Variants in LAMA2 observed in about 807,000 individuals in gnomAD.
The protein encoded by LAMA2 is laminin subunit alpha 2, also known as laminin subunit alpha-2.
LAMA2 carries 269 observed loss-of-function variants against 364.8 expected under a neutral mutation model. The observed-to-expected ratio is 0.74, with a 90% CI of 0.67 to 0.82. The LOEUF is 0.82. LAMA2 is among the 40% of genes least tolerant of loss of function. The probability of loss-of-function intolerance (pLI) is 0.00; values close to 1 mark genes in which losing one functional copy is unlikely to be tolerated. For synonymous variants in LAMA2, 1,379 were observed against 1,370.6 expected, an observed-to-expected ratio of 1.01 and a Z score of -0.14; for missense variants, 3,807 against 3,873.2, an observed-to-expected ratio of 0.98 and a Z score of 0.45.
At chr6:129,256,064 A>G (rs1019584353) in intron 14 of LAMA2, among the ~76,000 whole-genome samples, 4 of 152,214 alleles carry the variant, frequency 2.6e-5, no homozygotes, top group African/African-American at 9.7e-5. Context: ...CTTGTATACA[A>G]TGGCAGAAAC....
chr6:129,285,230 A>G (rs1043186577), intron 18 of LAMA2, among the ~76,000 whole-genome samples: 2 of 152,146 alleles, frequency 1.3e-5, no homozygotes, highest in African/African-American at 4.8e-5. Context: ...AGAAATCTCT[A>G]ATACTGTTCT....
chr6:128,948,050 G>A (rs149195203), intron 1 of LAMA2, among the ~76,000 whole-genome samples: 264 of 152,226 alleles, frequency 1.7e-3, no homozygotes, highest in African/African-American at 6.0e-3. Flanking sequence ...AGATGAAAGG[G>A]TGGGGAGTTA....
Position 128,907,572 on chromosome 6 carries a change from G to A in LAMA2, c.112+24215G>A, listed in dbSNP as rs1337328270. ...GGTTTTCTAGATATACAATCATGTC[G>A]TCTGCAAAGAGGGACAATTTGACTT... On this transcript the variant is annotated intron_variant, in intron 1 of 64. Coordinates refer to ENST00000421865, the MANE Select transcript of LAMA2 (RefSeq NM_000426.4). 2.8e-4 allele frequency among the ~76,000 whole-genome samples: 42 copies of A among 152,066 alleles called. No homozygotes were observed. In the East Asian group the frequency reaches 3.5e-3, roughly 13 times the overall value.
intron 35 of LAMA2, among the ~76,000 whole-genome samples, chr6:129,385,965 C>T (rs1418689641): frequency 6.6e-6 from 1 of 152,036 alleles, no homozygotes; most frequent in African/African-American, 2.4e-5. Context: ...ATTTGTATTC[C>T]CTGCTACGCG....
At chr6:129,314,305 C>A (rs544931026) in intron 23 of LAMA2, among the ~76,000 whole-genome samples, 1 of 147,574 alleles carries the variant, frequency 6.8e-6, no homozygotes, top group East Asian at 2.0e-4. Context: ...AGGCTGAGGC[C>A]GGAGAATGGT....
chr6:129,475,805 A>C (rs1198731296), intron 53 of LAMA2, among the ~76,000 whole-genome samples: 1 of 152,128 alleles, frequency 6.6e-6, no homozygotes, highest in Non-Finnish European at 1.5e-5. Flanking sequence ...CCCTAGTGCC[A>C]TGCTGTCTGC....
At chr6:129,030,613 T>C (rs530917137) in intron 1 of LAMA2, among the ~76,000 whole-genome samples, 2 of 152,272 alleles carry the variant, frequency 1.3e-5, no homozygotes, top group East Asian at 3.9e-4. Flanking sequence ...ACACATTTAT[T>C]ATGGTCAATG....
chr6:129,261,181 T>C (rs544874710), intron 15 of LAMA2, among the ~76,000 whole-genome samples: 2 of 152,182 alleles, frequency 1.3e-5, no homozygotes, highest in South Asian at 2.1e-4. Flanking sequence ...ACTCTATTTT[T>C]TTTTTACTTT....
intron 1 of LAMA2, among the ~76,000 whole-genome samples, chr6:128,900,407 C>T (rs1456645212): frequency 6.6e-6 from 1 of 152,054 alleles, no homozygotes; most frequent in Non-Finnish European, 1.5e-5. Flanking sequence ...TGCCTGGCAC[C>T]TAGCATGGTC....
intron 4 of LAMA2, among the ~76,000 whole-genome samples, chr6:129,113,404 A>G (rs1478070740): frequency 6.6e-6 from 1 of 152,058 alleles, no homozygotes; most frequent in East Asian, 1.9e-4. Flanking sequence ...AAAAGCACAC[A>G]CATTTTTCTT....
chr6:128,909,798 T>C (rs1015035971), intron 1 of LAMA2, among the ~76,000 whole-genome samples: 7 of 150,892 alleles, frequency 4.6e-5, no homozygotes, highest in African/African-American at 9.8e-5. Context: ...CCATGTTTAG[T>C]GCTTCCTTCA....
intron 1 of LAMA2, among the ~76,000 whole-genome samples, chr6:128,926,623 A>G (rs1779116449): frequency 6.6e-6 from 1 of 152,162 alleles, no homozygotes; most frequent in African/African-American, 2.4e-5. Context: ...TTTAATACTA[A>G]TATTATGTCT....
chr6:128,995,284 C>CAA (rs1359604697), intron 1 of LAMA2, among the ~76,000 whole-genome samples: 22 of 152,182 alleles, frequency 1.4e-4, no homozygotes, highest in Admixed American at 9.8e-4. Context: ...GTTTGGAGTA[C>CAA]AAATGAATCT....
intron 1 of LAMA2, among the ~76,000 whole-genome samples, chr6:128,916,065 C>A (rs1778293063): frequency 6.6e-6 from 1 of 152,118 alleles, no homozygotes; most frequent in Non-Finnish European, 1.5e-5. Flanking sequence ...GGCTGATGTT[C>A]TCTATTATCT....
chr6:128,913,940 C>T (rs2114466080), intron 1 of LAMA2, among the ~76,000 whole-genome samples: 1 of 152,166 alleles, frequency 6.6e-6, no homozygotes, highest in South Asian at 2.1e-4. Context: ...ATTCAGCTAT[C>T]CTCTTCTGCT....
chr6:129,128,881 G>A (rs185997935), intron 4 of LAMA2, among the ~76,000 whole-genome samples: 61 of 152,274 alleles, frequency 4.0e-4, no homozygotes, highest in Middle Eastern at 6.8e-3. Flanking sequence ...ATGATTATTA[G>A]TCTTAAGTGA....
At chr6:129,241,951 C>G (rs1421248412) in intron 12 of LAMA2, among the ~76,000 whole-genome samples, 1 of 152,154 alleles carries the variant, frequency 6.6e-6, no homozygotes, top group South Asian at 2.1e-4. Flanking sequence ...CTTGGCATCA[C>G]ATCAAAATAG....
At chr6:129,484,086 A>G (rs1784481332) in intron 55 of LAMA2, among the ~76,000 whole-genome samples, 1 of 152,232 alleles carries the variant, frequency 6.6e-6, no homozygotes, top group African/African-American at 2.4e-5. Flanking sequence ...AAACAAGATT[A>G]TGAGTGGAAC....
At chr6:129,319,282 T>C (rs1774805787) in intron 27 of LAMA2, among the ~76,000 whole-genome samples, 1 of 152,194 alleles carries the variant, frequency 6.6e-6, no homozygotes, top group South Asian at 2.1e-4. Flanking sequence ...AATAATTGAA[T>C]GGGGAATGAC....
Sources: gnomAD v4.1 joint callset for allele counts (sites outside exome capture counted in the v4.1 genomes callset) on GRCh38, gnomAD v4.1.1 for gene constraint, MANE v1.5 for transcripts, NCBI Gene and HGNC (gene_info 2026-07-23, HGNC 2026-07-21) for gene names.